ANAPC11: variants seen among roughly 807,000 people sequenced by gnomAD.
The protein encoded by ANAPC11 is anaphase promoting complex subunit 11.
Under a neutral mutation model 11.8 loss-of-function variants are expected in ANAPC11, and 5 were observed. That is an observed-to-expected ratio of 0.42 (90% CI 0.22 to 0.89). The LOEUF (loss-of-function observed/expected upper bound fraction) is 0.89, where lower values mean the gene tolerates loss of function less well. Ranked by LOEUF, ANAPC11 falls within the 40% of genes least tolerant of loss-of-function variation. The pLI is 0.28. For synonymous variants in ANAPC11, 45 were observed against 41.0 expected, an observed-to-expected ratio of 1.10 and a Z score of -0.38; for missense variants, 68 against 112.9, an observed-to-expected ratio of 0.60 and a Z score of 1.80.
At chr17:81,899,369 C>T (rs759683269) in intron 3 of ANAPC11, 41 of 1,613,746 alleles carry the variant, frequency 2.5e-5, no homozygotes, top group South Asian at 6.6e-5. Flanking sequence ...GGCAGCACAC[C>T]GGATCCCTGA....
Position 81,894,603 on chromosome 17 carries a change from T to C in ANAPC11, c.109+17T>C, listed in dbSNP as rs769413107. On this transcript the variant is annotated intron_variant, in intron 3 of 3. Transcript: ENST00000344877. Reference sequence around the variant, plus strand: ...GCCCTGACTGTGAGTGTCCCCTCCATGCTGTCTGAGCGGCCCCGACTGTGA... The same window carrying C: ...GCCCTGACTGTGAGTGTCCCCTCCACGCTGTCTGAGCGGCCCCGACTGTGA... The C allele has an allele frequency of 1.3e-6, 2 of 1,576,716 alleles. No individual in the cohort carries two copies. Among genetic ancestry groups the C allele is most frequent in the South Asian group, 1.1e-5 (1 of 88,606 alleles).
chr17:81,896,271 AAGT>A lies in ANAPC11; in HGVS notation c.109+1688_109+1690del, dbSNP rs370500503. Among the ~76,000 whole-genome samples the A allele has an allele frequency of 5.2e-4, 79 of 152,198 alleles. 1 individual carries two copies. The highest frequency in any genetic ancestry group is 1.3e-3 in the African/African-American group (56 of 41,528). On this transcript the variant is annotated intron_variant, in intron 3 of 3. Coordinates refer to ENST00000344877, the MANE Select transcript of ANAPC11 (RefSeq NM_001002248.3). ...TCCCGTCTCTACTAAAAATACAAAA[AAGT>A]AGCCGGGCATGGTGGTGCATGCCTG...
At chr17:81,896,272 AG>A (rs1332907744) in intron 3 of ANAPC11, among the ~76,000 whole-genome samples, 3 of 152,002 alleles carry the variant, frequency 2.0e-5, no homozygotes, top group Non-Finnish European at 4.4e-5. Context: ...AATACAAAAA[AG>A]TAGCCGGGCA....
chr17:81,893,843 C>G (rs191746676), intron 2 of ANAPC11, among the ~76,000 whole-genome samples: 4 of 150,400 alleles, frequency 2.7e-5, no homozygotes, highest in Non-Finnish European at 4.4e-5. Flanking sequence ...GCGATCCTCC[C>G]GAGTTGGCCT....
At chr17:81,899,610 A>T (rs1185184759) in intron 3 of ANAPC11, 2 of 1,516,920 alleles carry the variant, frequency 1.3e-6, no homozygotes, top group Admixed American at 1.9e-5. Flanking sequence ...CCAGAGCGCC[A>T]CCTCCTCAGA....
Position 81,894,530 on chromosome 17 carries a change from C to T in ANAPC11, c.53C>T (p.Ala18Val). The change falls in exon 3 of 4, where the codon GCC becomes GTC. Residue 18 changes from alanine (A) to valine (V), a missense_variant. Ala to Val is a moderately conservative substitution (Grantham distance 64, BLOSUM62 0). Transcript: ENST00000344877. ...WNGVATWLWV[A>V]NDENCGICRM... ...GGCGTGGCCACTTGGCTCTGGGTGG[C>T]CAACGATGAGAACTGTGGCATCTGC... The T allele has an allele frequency of 1.2e-6, 2 of 1,612,740 alleles. No individual in the cohort carries two copies. Among genetic ancestry groups the T allele is most frequent in the South Asian group, 1.1e-5 (1 of 90,996 alleles).
chr17:81,890,867 G>C (rs373239490), upstream of ANAPC11: 22 of 1,613,208 alleles, frequency 1.4e-5, no homozygotes, highest in Middle Eastern at 1.6e-4. Context: ...TCTCAGTCCA[G>C]GGCTTTCCTG....
At chr17:81,892,783 A>C (rs537715399) in intron 1 of ANAPC11, among the ~76,000 whole-genome samples, 1 of 152,028 alleles carries the variant, frequency 6.6e-6, no homozygotes, top group Non-Finnish European at 1.5e-5. Flanking sequence ...TTGGCCTCCC[A>C]AAGTGCTGGG....
chr17:81,899,750 G>A, intron 3 of ANAPC11, 170 bp from the exon 4 acceptor site: 3 of 954,486 alleles, frequency 3.1e-6, no homozygotes, highest in Non-Finnish European at 4.6e-6. Context: ...GGGGCGGGCT[G>A]GTCAGGAGAC....
At chr17:81,899,203 C>G in intron 3 of ANAPC11, 2 of 1,590,830 alleles carry the variant, frequency 1.3e-6, no homozygotes, top group South Asian at 2.2e-5. Flanking sequence ...ACTCATTTCT[C>G]TTGATCATGG....
chr17:81,899,076 G>A (rs1598303776), intron 3 of ANAPC11: 7 of 735,884 alleles, frequency 9.5e-6, no homozygotes, highest in Middle Eastern at 3.9e-4. Context: ...GGGTGGCCAC[G>A]AGCTCCAGCT....
chr17:81,895,786 A>G (rs1321417099), intron 3 of ANAPC11, among the ~76,000 whole-genome samples: 1 of 152,032 alleles, frequency 6.6e-6, no homozygotes, highest in Non-Finnish European at 1.5e-5. Flanking sequence ...TGGCCAACAT[A>G]GTGAAACGCC....
chr17:81,891,609 GC>G, upstream of ANAPC11: 1 of 1,375,338 alleles, frequency 7.3e-7, no homozygotes. Context: ...CAGCACGCCG[GC>G]ACGTCACTTC....
Position 81,893,012 on chromosome 17 carries a change from C to CT in ANAPC11, c.-74-524dup, listed in dbSNP as rs576407517. 378 of 125,590 alleles carry CT rather than the reference C, an allele frequency of 3.0e-3. 1 individual carries two copies. Among genetic ancestry groups the CT allele is most frequent in the East Asian group, 5.3e-3 (23 of 4,322 alleles). The allele number at this position is 125,590 out of a possible 1,614,324, so 7.8% of individuals were successfully genotyped here. On this transcript the variant is annotated intron_variant, in intron 1 of 3. Coordinates refer to ENST00000344877, the MANE Select transcript of ANAPC11 (RefSeq NM_001002248.3). ...AGCTGGTGCACGCCACCACAGCTGG[C>CT]TTTTTTTTTTTTTTTTGAGACAGTC... is the stretch of plus-strand genomic sequence containing the variant.
intron 3 of ANAPC11, chr17:81,894,802 C>T (rs906925797): frequency 4.7e-6 from 2 of 425,926 alleles, no homozygotes; most frequent in East Asian, 3.6e-5. Flanking sequence ...GCCGCAACCT[C>T]TGCCTCCCGG....
chr17:81,899,653 G>A, intron 3 of ANAPC11: 1 of 1,312,620 alleles, frequency 7.6e-7, no homozygotes, highest in Admixed American at 2.5e-5. Context: ...AGCATGATGA[G>A]CCTGGGTGAG....
chr17:81,890,893 C>A, upstream of ANAPC11: 1 of 1,595,888 alleles, frequency 6.3e-7, no homozygotes, highest in Non-Finnish European at 8.5e-7. Context: ...CACGGCTACT[C>A]CGGACCCTTC....
At chr17:81,897,154 C>G (rs986070274) in intron 3 of ANAPC11, among the ~76,000 whole-genome samples, 9 of 152,216 alleles carry the variant, frequency 5.9e-5, no homozygotes, top group African/African-American at 1.7e-4. Flanking sequence ...GCGCTCGCCG[C>G]CATGCCCAGC....
rs559899702 is a variant in ANAPC11 at position 81,900,251 on chromosome 17, T to G, written c.*186T>G. 1.1e-6 allele frequency: 1 copy of G among 948,956 alleles called. No homozygotes were observed. The highest frequency in any genetic ancestry group is 1.7e-5 in the South Asian group (1 of 57,832). The allele number at this position is 948,956 out of a possible 1,614,324, so 58.8% of individuals were successfully genotyped here. A position where few individuals can be genotyped will look rare whatever the true frequency, so the allele number is the denominator to read the frequency against. On this transcript the variant is annotated 3_prime_UTR_variant, in exon 4 of 4. Coordinates refer to ENST00000344877, the MANE Select transcript of ANAPC11 (RefSeq NM_001002248.3). ...GTGAAAACTCATTAAACTACTCAAA[T>G]CTTGCTGGAGGCCTCTGGGTGCCTG...
Sources: gnomAD v4.1 joint callset for allele counts (sites outside exome capture counted in the v4.1 genomes callset) on GRCh38, gnomAD v4.1.1 for gene constraint, MANE v1.5 for transcripts, NCBI Gene and HGNC (gene_info 2026-07-23, HGNC 2026-07-21) for gene names.